The following GPC3 variants were observed in gnomAD, a reference collection of about 807,000 sequenced individuals.
GPC3 encodes the protein glypican 3, also known as glypican-3.
Under a neutral mutation model 34.4 loss-of-function variants are expected in GPC3, and 3 were observed. The observed-to-expected ratio is 0.09, with a 90% CI of 0.04 to 0.23. GPC3 has a LOEUF of 0.23. GPC3 is among the 10% of genes least tolerant of loss of function. The probability of loss-of-function intolerance (pLI) is 1.00; values close to 1 mark genes in which losing one functional copy is unlikely to be tolerated. For missense variants in GPC3, 351 were observed against 445.6 expected, an observed-to-expected ratio of 0.79 and a Z score of 1.91; for synonymous variants, 177 against 174.0, an observed-to-expected ratio of 1.02 and a Z score of -0.13.
intron 2 of GPC3, among the ~76,000 whole-genome samples, chrX:133,933,492 A>G (rs1464472679): frequency 9.0e-6 from 1 of 110,965 alleles, no homozygotes; most frequent in African/African-American, 3.3e-5. Flanking sequence ...CTATGGGCTG[A>G]GCTTCCCAAA....
chrX:133,886,242 C>A (rs1401207034), intron 2 of GPC3, among the ~76,000 whole-genome samples: 1 of 109,018 alleles, frequency 9.2e-6, no homozygotes, highest in Non-Finnish European at 1.9e-5. Flanking sequence ...GGTGTAGTGG[C>A]TCACACTTGT....
At chrX:133,699,651 G>T (rs1022191363) in intron 4 of GPC3, among the ~76,000 whole-genome samples, 4 of 111,664 alleles carry the variant, frequency 3.6e-5, no homozygotes, top group African/African-American at 9.8e-5. Flanking sequence ...TCTTGAATAG[G>T]GAAGTCCTTT....
chrX:133,883,735 T>G (rs765560731), intron 2 of GPC3, among the ~76,000 whole-genome samples: 4 of 111,907 alleles, frequency 3.6e-5, no homozygotes, highest in Non-Finnish European at 7.5e-5. Context: ...CTTTCCCCAG[T>G]ACTCTACCCT....
intron 2 of GPC3, among the ~76,000 whole-genome samples, chrX:133,855,099 G>T (rs1278868039): frequency 9.0e-6 from 1 of 111,723 alleles, no homozygotes; most frequent in Admixed American, 9.5e-5. Flanking sequence ...GCTACAGGTA[G>T]TTTTACTTTT....
intron 2 of GPC3, among the ~76,000 whole-genome samples, chrX:133,879,119 A>C (rs969081178): frequency 3.6e-5 from 4 of 111,072 alleles, no homozygotes; most frequent in African/African-American, 1.3e-4. Context: ...CCTCAGAGAG[A>C]AAGTGTCATA....
At chrX:133,557,531 T>C (rs1461335984) in intron 7 of GPC3, among the ~76,000 whole-genome samples, 1 of 111,524 alleles carries the variant, frequency 9.0e-6, no homozygotes, top group Admixed American at 9.5e-5. Context: ...GCTATATCAG[T>C]TGGATTATGG....
At chrX:133,671,201 G>A in intron 5 of GPC3, 1 of 1,174,785 alleles carries the variant, frequency 8.5e-7, no homozygotes, top group Non-Finnish European at 1.2e-6. Context: ...AACTGGCTTT[G>A]GCATGATTTA....
intron 7 of GPC3, among the ~76,000 whole-genome samples, chrX:133,576,228 GTTTT>G (rs761770056): frequency 1.8e-5 from 2 of 110,737 alleles, no homozygotes; most frequent in African/African-American, 6.6e-5. Context: ...TCCTAGCTCT[GTTTT>G]TTTGTTTGTT....
chrX:133,761,282 C>T (rs943387267), intron 2 of GPC3, among the ~76,000 whole-genome samples: 1 of 112,455 alleles, frequency 8.9e-6, no homozygotes, highest in African/African-American at 3.2e-5. Context: ...AAAAGCCTCA[C>T]ATTTTAAAAA....
chrX:133,627,818 A>G (rs1370628474), intron 6 of GPC3, among the ~76,000 whole-genome samples: 1 of 112,463 alleles, frequency 8.9e-6, no homozygotes. Flanking sequence ...GGCAGTCTCT[A>G]TGGGGAAATC....
chrX:133,813,310 G>A (rs1373661773), intron 2 of GPC3, among the ~76,000 whole-genome samples: 2 of 112,330 alleles, frequency 1.8e-5, no homozygotes, highest in East Asian at 2.8e-4. Flanking sequence ...AAGAGTTGTC[G>A]TAGCCCCTTA....
At chrX:133,731,957 T>C (rs1336075086) in intron 3 of GPC3, among the ~76,000 whole-genome samples, 2 of 112,437 alleles carry the variant, frequency 1.8e-5, no homozygotes, top group Non-Finnish European at 3.7e-5. Context: ...AATGAGTATT[T>C]TGTTCTTCCT....
intron 7 of GPC3, among the ~76,000 whole-genome samples, chrX:133,558,834 G>T (rs2069516536): frequency 9.2e-6 from 1 of 108,132 alleles, no homozygotes; most frequent in African/African-American, 3.4e-5. Flanking sequence ...AGGTTGCAGT[G>T]AGCCAAAGAT....
chrX:133,678,079 T>C (rs182804686), intron 5 of GPC3, among the ~76,000 whole-genome samples: 1 of 111,639 alleles, frequency 9.0e-6, no homozygotes, highest in Admixed American at 9.5e-5. Context: ...GAAGCCCATC[T>C]TGCTGTGGCC....
At chrX:133,605,582 A>C in intron 6 of GPC3, among the ~76,000 whole-genome samples, 1 of 112,339 alleles carries the variant, frequency 8.9e-6, no homozygotes, top group East Asian at 2.8e-4. Flanking sequence ...TAAATAGAAT[A>C]ATGCATGTAA....
At chrX:133,869,241 T>C (rs1312474258) in intron 2 of GPC3, among the ~76,000 whole-genome samples, 6 of 111,917 alleles carry the variant, frequency 5.4e-5, no homozygotes, top group African/African-American at 1.3e-4. Context: ...TCAGAAAATA[T>C]AGACTACATT....
intron 2 of GPC3, among the ~76,000 whole-genome samples, chrX:133,877,839 T>C (rs1426224930): frequency 8.9e-6 from 1 of 111,905 alleles, no homozygotes; most frequent in African/African-American, 3.2e-5. Flanking sequence ...GCAGTACATA[T>C]TACATAATGC....
chrX:133,906,969 C>T (rs975923132), intron 2 of GPC3, among the ~76,000 whole-genome samples: 2 of 109,932 alleles, frequency 1.8e-5, no homozygotes, highest in East Asian at 2.9e-4. Context: ...GGCGTGGTGG[C>T]GGGCGCCTGT....
chrX:133,767,955 G>T (rs1603243504), intron 2 of GPC3, among the ~76,000 whole-genome samples: 1 of 108,137 alleles, frequency 9.2e-6, no homozygotes, highest in African/African-American at 3.4e-5. Context: ...AGAGAATAGG[G>T]TGGCGGGGTG....
Sources: gnomAD v4.1 joint callset for allele counts (sites outside exome capture counted in the v4.1 genomes callset) on GRCh38, gnomAD v4.1.1 for gene constraint, MANE v1.5 for transcripts, NCBI Gene and HGNC (gene_info 2026-07-23, HGNC 2026-07-21) for gene names.